ARHGAP29: variants seen among roughly 807,000 people sequenced by gnomAD.
The protein encoded by ARHGAP29 is Rho GTPase activating protein 29.
ARHGAP29 carries 43 observed loss-of-function variants against 122.6 expected under a neutral mutation model. The observed-to-expected ratio is 0.35, with a 90% CI of 0.27 to 0.45. The LOEUF (loss-of-function observed/expected upper bound fraction) is 0.45, where lower values mean the gene tolerates loss of function less well. Among genes scored for constraint, ARHGAP29 ranks in the 20% least tolerant of loss-of-function variants. ARHGAP29 has a pLI of 1.00. For missense variants in ARHGAP29, 1,303 were observed against 1,477.2 expected, an observed-to-expected ratio of 0.88 and a Z score of 1.93; for synonymous variants, 506 against 497.1, an observed-to-expected ratio of 1.02 and a Z score of -0.24.
At chr1:94,212,724 C>T (rs568731735) in intron 3 of ARHGAP29, among the ~76,000 whole-genome samples, 35 of 152,244 alleles carry the variant, frequency 2.3e-4, no homozygotes, top group Admixed American at 2.0e-3. Flanking sequence ...AAGTTATAGC[C>T]ATCTAATGAA....
intron 1 of ARHGAP29, among the ~76,000 whole-genome samples, chr1:94,267,220 T>C (rs1249024199): frequency 6.6e-6 from 1 of 152,230 alleles, no homozygotes; most frequent in Non-Finnish European, 1.5e-5. Context: ...TGGGGCCATC[T>C]TAGCTCCTCA....
upstream of ARHGAP29, among the ~76,000 whole-genome samples, chr1:94,276,090 C>G (rs1336949116): frequency 6.6e-6 from 1 of 151,940 alleles, no homozygotes; most frequent in Non-Finnish European, 1.5e-5. Context: ...AAACCCATCT[C>G]TACTAAAAAA....
chr1:94,312,519 C>T, the ARHGAP29 span, among the ~76,000 whole-genome samples: 1 of 151,494 alleles, frequency 6.6e-6, no homozygotes, highest in Non-Finnish European at 1.5e-5. Context: ...GCAACCTCTG[C>T]CTCCCAGGTT....
At chr1:94,242,159 A>G (rs933648570), upstream of ARHGAP29, among the ~76,000 whole-genome samples, 1 of 152,154 alleles carries the variant, frequency 6.6e-6, no homozygotes, top group African/African-American at 2.4e-5. Flanking sequence ...ATTGGCAAAT[A>G]ATTTCCAGAA....
intron 1 of ARHGAP29, among the ~76,000 whole-genome samples, chr1:94,255,901 T>TCA (rs1412212237): frequency 6.6e-6 from 1 of 152,238 alleles, no homozygotes; most frequent in Non-Finnish European, 1.5e-5. Flanking sequence ...ACTAATTCCA[T>TCA]CACTGTGCTT....
intron 12 of ARHGAP29, chr1:94,192,918 A>G (rs1397610551): frequency 2.6e-5 from 4 of 152,194 alleles, no homozygotes; most frequent in Admixed American, 1.3e-4. Context: ...CTTGTCATAC[A>G]AAGAACCAGG....
chr1:94,293,700 T>C, the ARHGAP29 span, among the ~76,000 whole-genome samples: 20 of 152,244 alleles, frequency 1.3e-4, no homozygotes, highest in East Asian at 3.9e-3. Flanking sequence ...CAGATACAGA[T>C]GAAGCTGTGC....
At position 94,268,302 on chromosome 1, in the gene ARHGAP29, A is replaced by G. The variant is rs1654853532; in HGVS notation, c.-33+6710T>C. The stretch of plus-strand genomic sequence containing the variant: ...TTGTTCAAATCTTACCTTCTTAACA[A>G]AGCTTAATCTGATCATCCTATTCTG... On this transcript the variant is annotated intron_variant and NMD_transcript_variant, in intron 1 of 25. Transcript: ENST00000552844. 2.6e-5 allele frequency among the ~76,000 whole-genome samples: 4 copies of G among 151,912 alleles called. No individual in the cohort carries two copies. In the South Asian group the frequency reaches 8.3e-4, roughly 32 times the overall value.
rs775901532 is a variant in ARHGAP29, at chr1:94,178,164, T to C, written c.2484A>G (p.Val828=). The C allele has an allele frequency of 2.5e-6, 4 of 1,611,100 alleles. No homozygotes were observed. The highest frequency in any genetic ancestry group is 1.3e-5 in the African/African-American group (1 of 74,738). ...TCTTGTTTTCTTCTGCATGATCTACTACCCTGCAAAGTAGAACACATAAAG... is the reference window on the plus strand; with the variant it reads ...TCTTGTTTTCTTCTGCATGATCTACCACCCTGCAAAGTAGAACACATAAAG... ...LHFLIVHLKR[V]VDHAEENKMN... Residue 828 remains valine, a synonymous_variant, in exon 21 of 23, where the codon GTA becomes GTG. Transcript: ENST00000260526.
upstream of ARHGAP29, among the ~76,000 whole-genome samples, chr1:94,276,530 A>T (rs1049211890): frequency 6.6e-6 from 1 of 151,306 alleles, no homozygotes; most frequent in Non-Finnish European, 1.5e-5. Flanking sequence ...TCTGTAATCA[A>T]AGCACTTTGG....
At chr1:94,204,818 G>A (rs1252524355) in intron 7 of ARHGAP29, among the ~76,000 whole-genome samples, 1 of 152,108 alleles carries the variant, frequency 6.6e-6, no homozygotes, top group African/African-American at 2.4e-5. Flanking sequence ...ACTAGAGTAT[G>A]ACTTCTTTGA....
chr1:94,304,136 C>T, the ARHGAP29 span, among the ~76,000 whole-genome samples: 1 of 152,146 alleles, frequency 6.6e-6, no homozygotes, highest in Non-Finnish European at 1.5e-5. Context: ...ACTCTACCCA[C>T]CTTTTTTGGG....
At chr1:94,194,019 C>T (rs1258099264) in intron 12 of ARHGAP29, 2 of 152,042 alleles carry the variant, frequency 1.3e-5, no homozygotes, top group African/African-American at 2.4e-5. Flanking sequence ...GGAACTTCTA[C>T]GGTGGTGATG....
At chr1:94,290,364 C>T in the ARHGAP29 span, among the ~76,000 whole-genome samples, 1 of 152,032 alleles carries the variant, frequency 6.6e-6, no homozygotes, top group Admixed American at 6.6e-5. Flanking sequence ...TTGATCTTTT[C>T]AGAAAACCAC....
intron 1 of ARHGAP29, among the ~76,000 whole-genome samples, chr1:94,256,790 C>T (rs1405259842): frequency 1.3e-5 from 2 of 151,502 alleles, no homozygotes; most frequent in Admixed American, 6.6e-5. Flanking sequence ...GATCTCCTGA[C>T]CTCGTGATCC....
intron 1 of ARHGAP29, among the ~76,000 whole-genome samples, chr1:94,233,634 T>C (rs1653070780): frequency 6.6e-6 from 1 of 152,178 alleles, no homozygotes; most frequent in African/African-American, 2.4e-5. Context: ...TGCAATGTCA[T>C]ATGGAGACAC....
chr1:94,271,167 G>A (rs1462524999), intron 1 of ARHGAP29, among the ~76,000 whole-genome samples: 1 of 152,250 alleles, frequency 6.6e-6, no homozygotes, highest in Non-Finnish European at 1.5e-5. Context: ...GTTCCTTGCT[G>A]TCTGTTGGCC....
chr1:94,220,477 A>C, intron 2 of ARHGAP29, 85 bp from the exon 3 acceptor site: 1 of 1,243,414 alleles, frequency 8.0e-7, no homozygotes, highest in African/African-American at 1.5e-5. Context: ...GCACATTTCA[A>C]GTAGAAGCAT....
intron 7 of ARHGAP29, among the ~76,000 whole-genome samples, chr1:94,204,252 A>C (rs898076720): frequency 7.2e-5 from 11 of 151,898 alleles, no homozygotes; most frequent in African/African-American, 2.7e-4. Context: ...TTCCAGCCTC[A>C]GCCTCAGGAA....
Sources: gnomAD v4.1 joint callset for allele counts (sites outside exome capture counted in the v4.1 genomes callset) on GRCh38, gnomAD v4.1.1 for gene constraint, MANE v1.5 for transcripts, NCBI Gene and HGNC (gene_info 2026-07-23, HGNC 2026-07-21) for gene names.